The following CCDC73 variants were observed in gnomAD, a reference collection of about 807,000 sequenced individuals.
CCDC73 encodes the protein coiled-coil domain-containing protein 73.
A neutral mutation model predicts 116.5 loss-of-function variants in CCDC73; 95 were observed. The ratio of observed to expected loss-of-function variants is 0.82; its 90% CI spans 0.69 to 0.97. CCDC73 has a LOEUF of 0.97. Ranked by LOEUF, CCDC73 falls within the 50% of genes least tolerant of loss-of-function variation. CCDC73 has a pLI of 0.00. For missense variants in CCDC73, 1,066 were observed against 1,206.8 expected (o/e 0.88, Z 1.73); for synonymous variants, 398 against 401.3 (o/e 0.99, Z 0.10).
chr11:32,755,537 AT>A (rs1850326002), intron 2 of CCDC73, among the ~76,000 whole-genome samples: 1 of 35,770 alleles, frequency 2.8e-5, no homozygotes, highest in Admixed American at 3.0e-4. Context: ...CCATCTCAAA[AT>A]ATATATATAT....
At chr11:32,814,507 T>C in the CCDC73 span, among the ~76,000 whole-genome samples, 1 of 152,082 alleles carries the variant, frequency 6.6e-6, no homozygotes, top group Non-Finnish European at 1.5e-5. Flanking sequence ...AAGATGGCCG[T>C]AACAACAAAA....
intron 2 of CCDC73, 54 bp from the exon 3 acceptor site, chr11:32,718,201 C>T: frequency 8.3e-7 from 1 of 1,206,216 alleles, no homozygotes; most frequent in Non-Finnish European, 1.2e-6. Context: ...TTAAAACTTC[C>T]AGTTTCAGCT....
chr11:32,769,638 A>G (rs1159871356), intron 1 of CCDC73, among the ~76,000 whole-genome samples: 1 of 152,188 alleles, frequency 6.6e-6, no homozygotes, highest in African/African-American at 2.4e-5. Context: ...GGAGCATTTC[A>G]AAGAGTGTTA....
At chr11:32,822,309 A>G in the CCDC73 span, among the ~76,000 whole-genome samples, 1 of 152,212 alleles carries the variant, frequency 6.6e-6, no homozygotes, top group Non-Finnish European at 1.5e-5. Context: ...GATGTAGGTA[A>G]CCACATGCTT....
At chr11:32,758,528 G>T in intron 2 of CCDC73, 1 of 458,258 alleles carries the variant, frequency 2.2e-6, no homozygotes, top group South Asian at 1.7e-5. Context: ...TTGTGTCCAT[G>T]ACAGGATCAA....
intron 12 of CCDC73, among the ~76,000 whole-genome samples, chr11:32,645,894 AT>A (rs1265606425): frequency 2.0e-5 from 3 of 152,220 alleles, no homozygotes; most frequent in African/African-American, 7.2e-5. Flanking sequence ...CTGACAAAAC[AT>A]TGTTATGTGG....
chr11:32,793,038 G>A (rs1031860015), intron 1 of CCDC73, among the ~76,000 whole-genome samples: 1 of 152,164 alleles, frequency 6.6e-6, no homozygotes, highest in Non-Finnish European at 1.5e-5. Context: ...CAGAGCGAAA[G>A]AAACTAAAAA....
intron 12 of CCDC73, among the ~76,000 whole-genome samples, chr11:32,647,349 C>G (rs1233555047): frequency 1.3e-5 from 2 of 152,124 alleles, no homozygotes; most frequent in Admixed American, 1.3e-4. Flanking sequence ...AAAACGAGAT[C>G]ATTCACTATC....
chr11:32,766,434 C>A lies in CCDC73; in HGVS notation c.-15-6176G>T, dbSNP rs541516061. Among the ~76,000 whole-genome samples the A allele has an allele frequency of 3.5e-3, 537 of 152,250 alleles. 6 individuals are homozygous for A. The highest frequency in any genetic ancestry group is 0.012 in the African/African-American group (518 of 41,540). On this transcript the variant is annotated intron_variant, in intron 1 of 17. Coordinates refer to ENST00000335185, the MANE Select transcript of CCDC73 (RefSeq NM_001008391.4). The stretch of plus-strand genomic sequence containing the variant: ...GCCCTCTCTCACCACTCCTATTCAA[C>A]ATAGTGTTGGAAGTTCTGGCCAGGG...
At chr11:32,636,518 C>A (rs201855) in intron 13 of CCDC73, among the ~76,000 whole-genome samples, 144,261 of 152,208 alleles carry the variant, frequency 0.95, 68,430 homozygotes, top group East Asian at 1. Context: ...TCCACTGAGG[C>A]GAAAAATATC....
intron 1 of CCDC73, among the ~76,000 whole-genome samples, chr11:32,764,610 G>A (rs148503855): frequency 0.01 from 1,576 of 152,222 alleles, 26 homozygotes; most frequent in African/African-American, 0.036. Flanking sequence ...GCTCCTGAAC[G>A]AAGCACTAAA....
chr11:32,814,527 C>A, the CCDC73 span, among the ~76,000 whole-genome samples: 1 of 152,138 alleles, frequency 6.6e-6, no homozygotes, highest in Non-Finnish European at 1.5e-5. Flanking sequence ...ACAAAATAGA[C>A]AATAACAAGT....
chr11:32,742,227 T>A (rs1850194209), intron 2 of CCDC73, among the ~76,000 whole-genome samples: 1 of 152,188 alleles, frequency 6.6e-6, no homozygotes, highest in Non-Finnish European at 1.5e-5. Context: ...CCTTGAGGAA[T>A]CGCCACACTG....
chr11:32,770,766 T>A (rs1850487053), intron 1 of CCDC73, among the ~76,000 whole-genome samples: 1 of 152,190 alleles, frequency 6.6e-6, no homozygotes, highest in African/African-American at 2.4e-5. Context: ...TTTTTTTAGC[T>A]GAATATTGAA....
the CCDC73 span, among the ~76,000 whole-genome samples, chr11:32,799,803 G>A: frequency 0.093 from 14,090 of 152,184 alleles, 723 homozygotes; most frequent in Middle Eastern, 0.19. Flanking sequence ...TTATATGCAC[G>A]AAGTAAATGA....
intron 9 of CCDC73, 95 bp downstream of exon 9, chr11:32,675,470 C>CA (rs1240415225): frequency 6.0e-5 from 43 of 712,838 alleles, no homozygotes; most frequent in Admixed American, 1.0e-4. Context: ...TATCCTCTAC[C>CA]AAAAAATTCT....
chr11:32,619,780 A>C (rs938997623), intron 14 of CCDC73, among the ~76,000 whole-genome samples: 2 of 150,984 alleles, frequency 1.3e-5, no homozygotes, highest in Non-Finnish European at 3.0e-5. Context: ...GGAGCAGAAG[A>C]AGCAGAAGAA....
Position 32,613,664 on chromosome 11 carries a change from GT to G in CCDC73, c.2653del (p.Thr885ProfsTer18). The G allele has an allele frequency of 6.2e-7, 1 of 1,614,006 alleles. No individual in the cohort carries two copies. Among genetic ancestry groups the G allele is most frequent in the East Asian group, 2.2e-5 (1 of 44,868 alleles). ...GDLVNRSGRS[T>X]FDLSTSDKKT... The stretch of plus-strand genomic sequence containing the variant: ...TTTATCTGAAGTTGAAAGATCAAAG[GT>G]TGACCTTCCGCTTCTGTTTACTAAA... On this transcript the variant is annotated frameshift_variant, in exon 16 of 18. Coordinates refer to ENST00000335185, the MANE Select transcript of CCDC73 (RefSeq NM_001008391.4). LOFTEE classifies it high-confidence loss of function.
chr11:32,628,988 A>C (rs1855603288), intron 14 of CCDC73, among the ~76,000 whole-genome samples: 1 of 152,208 alleles, frequency 6.6e-6, no homozygotes, highest in African/African-American at 2.4e-5. Flanking sequence ...AACCAAATGG[A>C]AATTTTAGAG....
Sources: allele counts gnomAD v4.1 joint callset (sites outside exome capture counted in the v4.1 genomes callset), GRCh38; gene constraint gnomAD v4.1.1; transcripts MANE v1.5; gene names NCBI Gene and HGNC (gene_info 2026-07-23, HGNC 2026-07-21).